Variants in SLC44A5 observed in about 807,000 individuals in gnomAD.
SLC44A5 encodes choline transporter-like protein 5.
A neutral mutation model predicts 101.8 loss-of-function variants in SLC44A5; 57 were observed. The ratio of observed to expected loss-of-function variants is 0.56; its 90% CI spans 0.45 to 0.70. The LOEUF (loss-of-function observed/expected upper bound fraction) is 0.70, where lower values mean the gene tolerates loss of function less well. SLC44A5 is among the 30% of genes least tolerant of loss of function. SLC44A5 has a pLI of 0.00. For synonymous variants in SLC44A5, 281 were observed against 290.9 expected (o/e 0.97, Z 0.35); for missense variants, 737 against 853.1 (o/e 0.86, Z 1.70).
intron 1 of SLC44A5, among the ~76,000 whole-genome samples, chr1:75,593,880 C>CA (rs1010862183): frequency 2.0e-5 from 3 of 151,308 alleles, no homozygotes; most frequent in African/African-American, 7.3e-5. Context: ...TTAATGGGTA[C>CA]AAAAAATAGA....
chr1:75,506,029 A>G (rs1669235115), intron 2 of SLC44A5, among the ~76,000 whole-genome samples: 2 of 152,112 alleles, frequency 1.3e-5, no homozygotes, highest in South Asian at 4.1e-4. Context: ...ATTTTTGTAT[A>G]TGGTTCAAGG....
chr1:75,419,060 A>G (rs751048196), intron 2 of SLC44A5, among the ~76,000 whole-genome samples: 1 of 152,308 alleles, frequency 6.6e-6, no homozygotes, highest in Non-Finnish European at 1.5e-5. Context: ...CAGCAAGTTG[A>G]GGAGACAGAG....
chr1:75,531,771 C>A (rs1670732853), intron 2 of SLC44A5, among the ~76,000 whole-genome samples: 1 of 152,052 alleles, frequency 6.6e-6, no homozygotes, highest in Admixed American at 6.6e-5. Flanking sequence ...ACTTTCAGTG[C>A]TTCCCTCTTC....
At chr1:75,455,183 A>C (rs1338126331) in intron 2 of SLC44A5, among the ~76,000 whole-genome samples, 2 of 152,152 alleles carry the variant, frequency 1.3e-5, no homozygotes, top group African/African-American at 4.8e-5. Context: ...GATCAATAGA[A>C]CAGAATAGAG....
intron 2 of SLC44A5, among the ~76,000 whole-genome samples, chr1:75,505,460 A>G (rs11163522): frequency 0.14 from 20,589 of 152,174 alleles, 1,528 homozygotes; most frequent in African/African-American, 0.16. Flanking sequence ...GAACTAATTT[A>G]CTTTTCCACC....
intron 19 of SLC44A5, among the ~76,000 whole-genome samples, chr1:75,214,911 G>A (rs192679762): frequency 4.0e-4 from 61 of 152,248 alleles, no homozygotes; most frequent in Admixed American, 1.5e-3. Context: ...CAAACTCTGG[G>A]GGATTAGACA....
chr1:75,628,461 C>G, the SLC44A5 span, among the ~76,000 whole-genome samples: 2 of 152,140 alleles, frequency 1.3e-5, no homozygotes, highest in African/African-American at 4.8e-5. Flanking sequence ...CCTCTTTCTT[C>G]CATAAGCTGT....
At chr1:75,628,379 CATTGATTACAGAATAGAAT>C in the SLC44A5 span, among the ~76,000 whole-genome samples, 1 of 152,098 alleles carries the variant, frequency 6.6e-6, no homozygotes, top group Non-Finnish European at 1.5e-5. Flanking sequence ...GTCTACTTTT[CATTGATTACAGAATAGAAT>C]ATTGATTACA....
intron 6 of SLC44A5, among the ~76,000 whole-genome samples, chr1:75,256,594 TA>T (rs1650040054): frequency 1.3e-5 from 2 of 152,162 alleles, no homozygotes; most frequent in Non-Finnish European, 2.9e-5. Flanking sequence ...AACCTACCAA[TA>T]CATCATGCAA....
chr1:75,463,789 G>GT (rs1361434584), intron 2 of SLC44A5, among the ~76,000 whole-genome samples: 1 of 152,136 alleles, frequency 6.6e-6, no homozygotes, highest in Non-Finnish European at 1.5e-5. Context: ...ACTGGTAATA[G>GT]TAAGTACACA....
intron 5 of SLC44A5, among the ~76,000 whole-genome samples, chr1:75,292,220 C>A (rs929087986): frequency 4.0e-5 from 6 of 151,744 alleles, no homozygotes; most frequent in Non-Finnish European, 5.9e-5. Context: ...TAGGCCACCC[C>A]CTATTCAGTG....
chr1:75,376,144 C>G (rs1244131568), intron 3 of SLC44A5, among the ~76,000 whole-genome samples: 1 of 152,228 alleles, frequency 6.6e-6, no homozygotes. Flanking sequence ...TAAAAAACGG[C>G]GCACGACGAG....
At chr1:75,477,688 G>A (rs985311300) in intron 2 of SLC44A5, among the ~76,000 whole-genome samples, 1 of 152,056 alleles carries the variant, frequency 6.6e-6, no homozygotes, top group Non-Finnish European at 1.5e-5. Context: ...GAAACGAGAA[G>A]GGAAGTTTAG....
At chr1:75,624,957 C>T in the SLC44A5 span, among the ~76,000 whole-genome samples, 6 of 152,138 alleles carry the variant, frequency 3.9e-5, no homozygotes, top group East Asian at 1.9e-4. Context: ...ACTGTTCGGC[C>T]ACCATTTTTA....
chr1:75,643,669 C>T, the SLC44A5 span, among the ~76,000 whole-genome samples: 4 of 152,218 alleles, frequency 2.6e-5, no homozygotes, highest in African/African-American at 9.6e-5. Context: ...ATAAGTCTCA[C>T]AAGATCCCAT....
chr1:75,721,401 C>T, the SLC44A5 span, among the ~76,000 whole-genome samples: 1 of 152,164 alleles, frequency 6.6e-6, no homozygotes, highest in Non-Finnish European at 1.5e-5. Context: ...ATGAAATTTT[C>T]TTGCGTTTTT....
intron 12 of SLC44A5, among the ~76,000 whole-genome samples, chr1:75,232,204 C>T (rs1647638964): frequency 1.3e-5 from 2 of 152,158 alleles, no homozygotes; most frequent in South Asian, 4.1e-4. Context: ...GTTGTTTTAC[C>T]TGCACTTTTT....
intron 5 of SLC44A5, among the ~76,000 whole-genome samples, chr1:75,278,704 C>G (rs528475813): frequency 6.6e-6 from 1 of 152,202 alleles, no homozygotes; most frequent in African/African-American, 2.4e-5. Context: ...CAGGTAGAAT[C>G]ACTGTGAATG....
In SLC44A5 at chr1:75,227,798, T is replaced by C. The variant is rs753806603; in HGVS notation, c.913A>G (p.Thr305Ala). Residue 305 changes from threonine to alanine, a missense_variant, in exon 13 of 24, where the codon ACT becomes GCT. Physicochemically the swap from Thr to Ala is moderately conservative, Grantham distance 58 (BLOSUM62 0). Coordinates refer to ENST00000370859, the MANE Select transcript of SLC44A5 (RefSeq NM_001130058.2). ...NLQERPSSVL[T>A]IYDIGIQTNI... Reference sequence around the variant, plus strand: ...GTCTGAATCCCGATGTCATAGATAGTTAATACAGAACTTGGGCGTTCCTGA... The same window carrying C: ...GTCTGAATCCCGATGTCATAGATAGCTAATACAGAACTTGGGCGTTCCTGA... 5 of 1,599,602 alleles carry C rather than the reference T, an allele frequency of 3.1e-6. No homozygotes were observed. Among genetic ancestry groups the C allele is most frequent in the Non-Finnish European group, 4.3e-6 (5 of 1,176,018 alleles).
Sources: allele counts gnomAD v4.1 joint callset (sites outside exome capture counted in the v4.1 genomes callset), GRCh38; gene constraint gnomAD v4.1.1; transcripts MANE v1.5; gene names NCBI Gene and HGNC (gene_info 2026-07-23, HGNC 2026-07-21).